The following FOXP2 variants were observed in gnomAD, a reference collection of about 807,000 sequenced individuals.
The protein encoded by FOXP2 is forkhead box P2, also known as forkhead box protein P2.
A neutral mutation model predicts 115.8 loss-of-function variants in FOXP2; 12 were observed. The ratio of observed to expected loss-of-function variants is 0.10; its 90% CI spans 0.07 to 0.17. The LOEUF is 0.17. FOXP2 is among the 10% of genes least tolerant of loss of function. FOXP2 has a pLI of 1.00. For synonymous variants in FOXP2, 328 were observed against 297.7 expected (o/e 1.10, Z -1.05); for missense variants, 629 against 843.5 (o/e 0.75, Z 3.15).
intron 9 of FOXP2, chr7:114,653,453 T>C (rs1487674335): frequency 1.3e-5 from 3 of 227,294 alleles, no homozygotes; most frequent in African/African-American, 2.3e-5. Context: ...TTGAATTAGA[T>C]TGATGATGGC....
chr7:114,543,181 C>T (rs79008454), intron 3 of FOXP2, among the ~76,000 whole-genome samples: 1 of 152,148 alleles, frequency 6.6e-6, no homozygotes, highest in Non-Finnish European at 1.5e-5. Context: ...TGTTTGGTCA[C>T]TAAGTTCCTT....
chr7:114,241,801 A>G (rs775608063), intron 1 of FOXP2, among the ~76,000 whole-genome samples: 1 of 151,846 alleles, frequency 6.6e-6, no homozygotes, highest in Admixed American at 6.6e-5. Context: ...TAAGTAGGGA[A>G]TGACATAATT....
At chr7:114,231,062 CA>C (rs1794863409) in intron 1 of FOXP2, among the ~76,000 whole-genome samples, 1 of 151,560 alleles carries the variant, frequency 6.6e-6, no homozygotes, top group Non-Finnish European at 1.5e-5. Flanking sequence ...ACGATATCAA[CA>C]TACAAAAATT....
At chr7:114,628,474 T>G in intron 3 of FOXP2, 66 bp from the exon 4 acceptor site, 1 of 1,590,766 alleles carries the variant, frequency 6.3e-7, no homozygotes, top group Non-Finnish European at 8.6e-7. Flanking sequence ...ATACTATTTG[T>G]GAAGTTGATT....
At chr7:114,486,014 C>A (rs559740963) in intron 2 of FOXP2, among the ~76,000 whole-genome samples, 1 of 152,234 alleles carries the variant, frequency 6.6e-6, no homozygotes, top group South Asian at 2.1e-4. Context: ...GCCATGGCTC[C>A]TGCTACTACT....
intron 3 of FOXP2, among the ~76,000 whole-genome samples, chr7:114,547,556 G>A (rs1459858567): frequency 6.6e-6 from 1 of 152,120 alleles, no homozygotes; most frequent in Non-Finnish European, 1.5e-5. Context: ...AGGAGATCAA[G>A]ACCATCCTGA....
At chr7:114,416,362 G>C (rs1347315811) in intron 1 of FOXP2, 2 of 151,920 alleles carry the variant, frequency 1.3e-5, no homozygotes, top group Admixed American at 1.3e-4. Context: ...CCAGTGACAT[G>C]AGCAAGTTCT....
At chr7:114,541,808 A>C (rs1799678569) in intron 3 of FOXP2, among the ~76,000 whole-genome samples, 1 of 151,402 alleles carries the variant, frequency 6.6e-6, no homozygotes, top group African/African-American at 2.4e-5. Flanking sequence ...TCTGTAATCC[A>C]TTAGGATTTT....
At chr7:114,274,542 C>A (rs922886670) in intron 1 of FOXP2, among the ~76,000 whole-genome samples, 1 of 142,472 alleles carries the variant, frequency 7.0e-6, no homozygotes, top group Non-Finnish European at 1.5e-5. Context: ...ATTTTTCCTT[C>A]ACTTTTGAAG....
At chr7:114,620,600 C>G (rs1040539016) in intron 3 of FOXP2, among the ~76,000 whole-genome samples, 1 of 151,960 alleles carries the variant, frequency 6.6e-6, no homozygotes, top group African/African-American at 2.4e-5. Flanking sequence ...TTAAATACAG[C>G]TTTATAATCT....
rs956039100 is a variant in FOXP2, at chr7:114,180,918, TA to T, written c.-102+17839del. ...CACTAGGTAACAAAAATTACCTTTT[TA>T]AAAAAAAATGAGTAATTTTTATTTT... is the stretch of plus-strand genomic sequence containing the variant. On this transcript the variant is annotated intron_variant, in intron 1 of 17. Coordinates refer to the FOXP2 transcript ENST00000634411. Among the ~76,000 whole-genome samples the T allele has an allele frequency of 2.0e-3, 298 of 151,330 alleles. 3 individuals are homozygous for T. Among genetic ancestry groups the T allele is most frequent in the Admixed American group, 6.6e-3 (100 of 15,162 alleles).
intron 3 of FOXP2, among the ~76,000 whole-genome samples, chr7:114,553,955 G>C (rs552489233): frequency 8.6e-5 from 13 of 151,762 alleles, no homozygotes; most frequent in African/African-American, 2.9e-4. Flanking sequence ...ATGTTTTCTA[G>C]GTATATTTTT....
At chr7:114,528,688 C>G (rs1692119652) in intron 2 of FOXP2, among the ~76,000 whole-genome samples, 1 of 151,526 alleles carries the variant, frequency 6.6e-6, no homozygotes, top group African/African-American at 2.4e-5. Flanking sequence ...CAGTTAATAT[C>G]TGATATACTG....
intron 2 of FOXP2, among the ~76,000 whole-genome samples, chr7:114,468,019 G>A (rs1018524089): frequency 4.6e-5 from 7 of 152,102 alleles, no homozygotes; most frequent in Non-Finnish European, 1.0e-4. Context: ...CAATGCTTCA[G>A]CTACAATGTA....
chr7:114,147,613 T>G (rs1238656298), intron 1 of FOXP2, among the ~76,000 whole-genome samples: 1 of 152,170 alleles, frequency 6.6e-6, no homozygotes, highest in Non-Finnish European at 1.5e-5. Context: ...ATAGTATATT[T>G]TTTTTGCTCA....
At chr7:114,572,838 A>C (rs181965718) in intron 3 of FOXP2, among the ~76,000 whole-genome samples, 1 of 152,034 alleles carries the variant, frequency 6.6e-6, no homozygotes, top group East Asian at 1.9e-4. Flanking sequence ...AAAATGAGAC[A>C]TGAAGAAGTG....
intron 2 of FOXP2, among the ~76,000 whole-genome samples, chr7:114,340,547 G>T (rs1324701906): frequency 1.3e-5 from 2 of 150,992 alleles, no homozygotes; most frequent in African/African-American, 4.8e-5. Context: ...GCTATTAAAG[G>T]TTGACATTTT....
chr7:114,297,347 G>A (rs1228515023), intron 2 of FOXP2: 2 of 674,530 alleles, frequency 3.0e-6, no homozygotes, highest in Non-Finnish European at 5.2e-6. Flanking sequence ...CGTGGTGGCG[G>A]CTGTGCCTGG....
intron 1 of FOXP2, among the ~76,000 whole-genome samples, chr7:114,190,556 C>G (rs2581153): frequency 0.022 from 3,309 of 152,212 alleles, 133 homozygotes; most frequent in African/African-American, 0.074. Context: ...AGATGGAAAA[C>G]CATGGGACTT....
Sources: gnomAD v4.1 joint callset for allele counts (sites outside exome capture counted in the v4.1 genomes callset) on GRCh38, gnomAD v4.1.1 for gene constraint, MANE v1.5 for transcripts, NCBI Gene and HGNC (gene_info 2026-07-23, HGNC 2026-07-21) for gene names.